TGFBR2: variants seen among roughly 807,000 people sequenced by gnomAD.
The protein encoded by TGFBR2 is transforming growth factor beta receptor 2.
Under a neutral mutation model 49.0 loss-of-function variants are expected in TGFBR2, and 18 were observed. The ratio of observed to expected loss-of-function variants is 0.37; its 90% CI spans 0.25 to 0.54. The LOEUF (loss-of-function observed/expected upper bound fraction) is 0.54, where lower values mean the gene tolerates loss of function less well. Among genes scored for constraint, TGFBR2 ranks in the 20% least tolerant of loss-of-function variants. TGFBR2 has a pLI of 0.85. For synonymous variants in TGFBR2, 282 were observed against 275.9 expected, an observed-to-expected ratio of 1.02 and a Z score of -0.22; for missense variants, 525 against 722.6, an observed-to-expected ratio of 0.73 and a Z score of 3.13.
At chr3:30,690,954 G>GT (rs1699698071) in intron 6 of TGFBR2, among the ~76,000 whole-genome samples, 1 of 152,226 alleles carries the variant, frequency 6.6e-6, no homozygotes, top group Non-Finnish European at 1.5e-5. Flanking sequence ...CATGCATGAT[G>GT]TCAAGGTGGA....
At chr3:30,679,812 A>C (rs1194193781) in intron 5 of TGFBR2, among the ~76,000 whole-genome samples, 1 of 152,182 alleles carries the variant, frequency 6.6e-6, no homozygotes, top group Non-Finnish European at 1.5e-5. Context: ...TAGCCTGGCC[A>C]ATGGAGAACG....
At chr3:30,688,646 A>G in intron 6 of TGFBR2, 135 bp downstream of exon 6, 9 of 1,293,606 alleles carry the variant, frequency 7.0e-6, no homozygotes, top group Non-Finnish European at 8.7e-6. Flanking sequence ...AATTTTGTTT[A>G]TAAAGCAAAT....
chr3:30,693,352 C>T lies in TGFBR2; in HGVS notation c.*1753C>T. 1.7e-5 allele frequency: 4 copies of T among 233,698 alleles called. No homozygotes were observed. Among genetic ancestry groups the T allele is most frequent in the Non-Finnish European group, 3.4e-5 (4 of 117,960 alleles). 14.5% of individuals were successfully genotyped at this position (233,698 alleles called of 1,614,324 possible). The stretch of plus-strand genomic sequence containing the variant: ...AAATTTGTGTCCACAAGGACAAGAA[C>T]AAAGTATGAGCTTTAAAACTCCATA... On this transcript the variant is annotated 3_prime_UTR_variant, in exon 7 of 7. Transcript: ENST00000295754.
At chr3:30,637,029 A>G (rs1392404841) in intron 1 of TGFBR2, among the ~76,000 whole-genome samples, 1 of 149,820 alleles carries the variant, frequency 6.7e-6, no homozygotes, top group African/African-American at 2.5e-5. Context: ...GCGCCACTGC[A>G]CTCCAGCCTG....
chr3:30,671,556 A>T, intron 3 of TGFBR2, 82 bp from the exon 4 acceptor site: 1 of 1,367,088 alleles, frequency 7.3e-7, no homozygotes, highest in Non-Finnish European at 1.0e-6. Context: ...AAATCTATAG[A>T]TGCTCAGGCA....
chr3:30,655,365 A>G (rs1208547883), intron 3 of TGFBR2, among the ~76,000 whole-genome samples: 1 of 152,154 alleles, frequency 6.6e-6, no homozygotes, highest in East Asian at 1.9e-4. Flanking sequence ...GGAGGGGCTC[A>G]CTTTGCTTTA....
intron 5 of TGFBR2, among the ~76,000 whole-genome samples, chr3:30,679,120 T>C (rs1364147033): frequency 6.6e-6 from 1 of 152,244 alleles, no homozygotes; most frequent in Non-Finnish European, 1.5e-5. Context: ...TGTCTCATGC[T>C]ATTTACTGGC....
At chr3:30,674,780 C>T (rs1347148235) in intron 5 of TGFBR2, among the ~76,000 whole-genome samples, 2 of 152,054 alleles carry the variant, frequency 1.3e-5, no homozygotes, top group Non-Finnish European at 2.9e-5. Flanking sequence ...AGGCCGTCTT[C>T]TTACTGCTTA....
rs767015322 is a variant in TGFBR2, at chr3:30,691,540, G to GGGAGGAGCTGCTC, written c.1653_1665dup (p.Lys556LeufsTer8). The GGGAGGAGCTGCTC allele has an allele frequency of 1.9e-6, 3 of 1,614,152 alleles. No homozygotes were observed. Among genetic ancestry groups the GGGAGGAGCTGCTC allele is most frequent in the Non-Finnish European group, 2.5e-6 (3 of 1,180,008 alleles). ...GCTGGAGCATCTGGACAGGCTCTCG[G>GGGAGGAGCTGCTC]GGAGGAGCTGCTCGGAGGAGAAGAT... On this transcript the variant is annotated frameshift_variant, in exon 7 of 7. Coordinates refer to ENST00000295754, the MANE Select transcript of TGFBR2 (RefSeq NM_003242.6). LOFTEE classifies it high-confidence loss of function.
intron 5 of TGFBR2, among the ~76,000 whole-genome samples, chr3:30,687,782 T>A (rs1050882545): frequency 1.3e-5 from 2 of 152,200 alleles, no homozygotes; most frequent in African/African-American, 2.4e-5. Context: ...ACCATTATAC[T>A]GTCTCTGAAT....
chr3:30,670,169 C>A (rs1162758326), intron 3 of TGFBR2, among the ~76,000 whole-genome samples: 3 of 152,110 alleles, frequency 2.0e-5, no homozygotes, highest in Admixed American at 6.5e-5. Flanking sequence ...TTCTCCTTAA[C>A]ATAGCACTCT....
At chr3:30,690,637 A>G (rs1018910492) in intron 6 of TGFBR2, among the ~76,000 whole-genome samples, 2 of 152,214 alleles carry the variant, frequency 1.3e-5, no homozygotes, top group African/African-American at 4.8e-5. Flanking sequence ...TTAAAATAGA[A>G]CAGTGTATAT....
intron 3 of TGFBR2, among the ~76,000 whole-genome samples, chr3:30,658,145 T>G (rs1486241322): frequency 1.3e-5 from 2 of 152,234 alleles, no homozygotes; most frequent in Non-Finnish European, 2.9e-5. Context: ...CAACTTCATT[T>G]ACAAAAACAG....
At chr3:30,613,966 C>G (rs1316947989) in intron 1 of TGFBR2, among the ~76,000 whole-genome samples, 2 of 152,122 alleles carry the variant, frequency 1.3e-5, no homozygotes, top group South Asian at 2.1e-4. Flanking sequence ...GTTAATTGTA[C>G]CATTTTTTCC....
intron 6 of TGFBR2, among the ~76,000 whole-genome samples, chr3:30,690,374 C>T (rs1699689977): frequency 6.6e-6 from 1 of 152,346 alleles, no homozygotes; most frequent in South Asian, 2.1e-4. Flanking sequence ...CCTGGATGGT[C>T]TCCTTGGATG....
intron 1 of TGFBR2, among the ~76,000 whole-genome samples, chr3:30,638,480 A>G (rs1024528329): frequency 6.6e-6 from 1 of 152,198 alleles, no homozygotes; most frequent in Non-Finnish European, 1.5e-5. Context: ...TTGGTACCCC[A>G]GAGACCATGT....
chr3:30,624,476 C>T (rs1035960547), intron 1 of TGFBR2, among the ~76,000 whole-genome samples: 1 of 151,994 alleles, frequency 6.6e-6, no homozygotes, highest in Non-Finnish European at 1.5e-5. Flanking sequence ...ATTAACTGGG[C>T]GTGGTGGCAC....
chr3:30,642,951 T>G (rs1022314656), intron 1 of TGFBR2, among the ~76,000 whole-genome samples: 4 of 152,210 alleles, frequency 2.6e-5, no homozygotes, highest in African/African-American at 9.6e-5. Context: ...CTTCCTGAAA[T>G]GAACTTGAGG....
At chr3:30,611,556 G>A (rs1009246288) in intron 1 of TGFBR2, among the ~76,000 whole-genome samples, 24 of 151,028 alleles carry the variant, frequency 1.6e-4, no homozygotes, top group Non-Finnish European at 2.8e-4. Flanking sequence ...GTCACCAGAG[G>A]AATTATCCAG....
Sources: gnomAD v4.1 joint callset for allele counts (sites outside exome capture counted in the v4.1 genomes callset) on GRCh38, gnomAD v4.1.1 for gene constraint, MANE v1.5 for transcripts, NCBI Gene and HGNC (gene_info 2026-07-23, HGNC 2026-07-21) for gene names.